Variants in FAT3 observed in about 807,000 individuals in gnomAD.
The protein encoded by FAT3 is protocadherin Fat 3.
Under a neutral mutation model 310.2 loss-of-function variants are expected in FAT3, and 95 were observed. That is an observed-to-expected ratio of 0.31 (90% CI 0.26 to 0.36). The LOEUF (loss-of-function observed/expected upper bound fraction) is 0.36. Ranked by LOEUF, FAT3 falls within the 10% of genes least tolerant of loss-of-function variation. FAT3 has a pLI of 1.00. For missense variants in FAT3, 5,408 were observed against 5,715.6 expected, an observed-to-expected ratio of 0.95 and a Z score of 1.74; for synonymous variants, 2,314 against 2,192.9, an observed-to-expected ratio of 1.06 and a Z score of -1.54.
chr11:92,406,999 G>T (rs1038965410), intron 2 of FAT3, among the ~76,000 whole-genome samples: 18 of 152,156 alleles, frequency 1.2e-4, no homozygotes, highest in African/African-American at 4.3e-4. Context: ...ATCTTAGAAG[G>T]GTTGACCCAT....
At chr11:92,449,383 C>G (rs2135113580) in intron 2 of FAT3, among the ~76,000 whole-genome samples, 1 of 152,266 alleles carries the variant, frequency 6.6e-6, no homozygotes, top group South Asian at 2.1e-4. Flanking sequence ...CAAGCAGCAT[C>G]TGAGCTCTGG....
At chr11:92,635,918 G>A (rs796430431) in intron 3 of FAT3, among the ~76,000 whole-genome samples, 29 of 152,216 alleles carry the variant, frequency 1.9e-4, no homozygotes, top group African/African-American at 7.0e-4. Context: ...AGAAATAGAT[G>A]TAAGCAGTTC....
At chr11:92,431,985 C>A (rs1289646348) in intron 2 of FAT3, among the ~76,000 whole-genome samples, 1 of 152,112 alleles carries the variant, frequency 6.6e-6, no homozygotes, top group Admixed American at 6.5e-5. Context: ...AATGCGGGCT[C>A]TTTTTTGGTT....
At chr11:92,885,913 G>A (rs1949784778) in intron 24 of FAT3, among the ~76,000 whole-genome samples, 1 of 152,146 alleles carries the variant, frequency 6.6e-6, no homozygotes, top group South Asian at 2.1e-4. Flanking sequence ...CAACTCCTGT[G>A]GCCTCAGCCT....
chr11:92,297,971 A>T (rs1946894584), intron 1 of FAT3, among the ~76,000 whole-genome samples: 1 of 152,126 alleles, frequency 6.6e-6, no homozygotes, highest in Admixed American at 6.6e-5. Context: ...ATAAACCAGC[A>T]TTGGCCTGTC....
chr11:92,392,609 T>C (rs1949775534), intron 2 of FAT3, among the ~76,000 whole-genome samples: 1 of 152,130 alleles, frequency 6.6e-6, no homozygotes, highest in South Asian at 2.1e-4. Flanking sequence ...ATGTAGCACA[T>C]TGCACACTGC....
intron 2 of FAT3, among the ~76,000 whole-genome samples, chr11:92,505,931 G>A (rs899918043): frequency 2.0e-5 from 3 of 152,004 alleles, no homozygotes; most frequent in Non-Finnish European, 4.4e-5. Flanking sequence ...CTGCCCTGGG[G>A]GATATTACAG....
intron 13 of FAT3, among the ~76,000 whole-genome samples, chr11:92,825,943 G>A (rs1948092117): frequency 6.6e-6 from 1 of 152,102 alleles, no homozygotes; most frequent in Non-Finnish European, 1.5e-5. Context: ...TGTGAGAGAG[G>A]AAGTTAGAAG....
chr11:92,239,003 G>A (rs1864553544), intron 1 of FAT3, among the ~76,000 whole-genome samples: 1 of 152,076 alleles, frequency 6.6e-6, no homozygotes, highest in African/African-American at 2.4e-5. Context: ...TAACATTGCT[G>A]AGAGCTTTAC....
rs1440088788 is a variant in FAT3, at chr11:92,229,510, T to TTTTC, written c.-18+4339_-18+4340insCTTT. 1.9e-3 allele frequency among the ~76,000 whole-genome samples: 147 copies of TTTTC among 77,140 alleles called. 15 individuals are homozygous for TTTTC. The highest frequency in any genetic ancestry group is 5.7e-3 in the African/African-American group (143 of 25,110). The allele number at this position is 77,140 out of a possible 152,430, so 50.6% of individuals were successfully genotyped here. ...TTTTCGTGTTTTTTTTTTTTTTGTT[T>TTTTC]TTTGTTTTTTTTTACATTGCCTCCC... is the stretch of plus-strand genomic sequence containing the variant. On this transcript the variant is annotated intron_variant, in intron 1 of 27. Coordinates refer to ENST00000525166, the MANE Select transcript of FAT3 (RefSeq NM_001367949.2).
At chr11:92,690,842 G>A (rs190868254) in intron 3 of FAT3, among the ~76,000 whole-genome samples, 1 of 152,202 alleles carries the variant, frequency 6.6e-6, no homozygotes, top group East Asian at 1.9e-4. Flanking sequence ...TGGAAATAGG[G>A]GTTCTAGAAG....
In FAT3 at chr11:92,550,229, G is replaced by A. The variant is rs539673654; in HGVS notation, c.3607+25281G>A. 1.2e-3 allele frequency among the ~76,000 whole-genome samples: 187 copies of A among 152,180 alleles called. No homozygotes were observed. In the South Asian group the frequency reaches 0.013, roughly 11 times the overall value. On this transcript the variant is annotated intron_variant, in intron 3 of 27. Coordinates refer to ENST00000525166, the MANE Select transcript of FAT3 (RefSeq NM_001367949.2). ...AGTTCCCCAAGCAAAATTTCCAAAA[G>A]GGGTCTTTTTTTCACATATATGAGC...
intron 3 of FAT3, among the ~76,000 whole-genome samples, chr11:92,612,583 A>T (rs1193449802): frequency 1.3e-5 from 2 of 152,230 alleles, no homozygotes; most frequent in Non-Finnish European, 2.9e-5. Flanking sequence ...GATTGAATAG[A>T]AGTAACACAA....
chr11:92,299,461 A>G (rs1946934478), intron 1 of FAT3, among the ~76,000 whole-genome samples: 2 of 152,138 alleles, frequency 1.3e-5, no homozygotes, highest in Non-Finnish European at 1.5e-5. Context: ...TCCAAAGGCC[A>G]TTAAGGCTGC....
intron 13 of FAT3, among the ~76,000 whole-genome samples, chr11:92,810,974 A>G (rs1019031001): frequency 6.6e-6 from 1 of 152,212 alleles, no homozygotes; most frequent in Non-Finnish European, 1.5e-5. Context: ...TTATTGGACT[A>G]ATGGAAAAGT....
chr11:92,634,050 C>T (rs1174955771), intron 3 of FAT3, among the ~76,000 whole-genome samples: 7 of 152,176 alleles, frequency 4.6e-5, no homozygotes, highest in Non-Finnish European at 2.9e-5. Flanking sequence ...AAGTGAGACA[C>T]CTCTGTCCAC....
rs936759691 is a variant in FAT3 at position 92,831,632 on chromosome 11, G to A, written c.9492G>A (p.Arg3164=). The A allele has an allele frequency of 6.2e-7, 1 of 1,611,444 alleles. No individual in the cohort carries two copies. The highest frequency in any genetic ancestry group is 8.5e-7 in the Non-Finnish European group (1 of 1,179,092). ...GTGTCTCTCCCACAGGCATCAATAG[G>A]AAGGTCGTGTACTCCCTGGCAGACT... is the stretch of plus-strand genomic sequence containing the variant. ...QAVDPDIGIN[R]KVVYSLADSA... The change falls in exon 14 of 28, where the codon AGG becomes AGA. Residue 3164 remains arginine (R), a synonymous_variant. Transcript: ENST00000525166.
rs508350 is a variant in FAT3 at position 92,653,312 on chromosome 11, C to T, written c.3608-44072C>T. 4.9e-3 allele frequency among the ~76,000 whole-genome samples: 748 copies of T among 152,250 alleles called. 3 individuals are homozygous for T. The highest frequency in any genetic ancestry group is 8.7e-3 in the Non-Finnish European group (589 of 68,020). The stretch of plus-strand genomic sequence containing the variant: ...CTATTTGAATGCCCGAGCCAGAATT[C>T]GTGGAACCTACTTCTGTGTCCTGGT... On this transcript the variant is annotated intron_variant, in intron 3 of 27. Transcript: ENST00000525166.
rs571195095 is a variant in FAT3, at chr11:92,709,353, A to G, written c.3669+11908A>G. On this transcript the variant is annotated intron_variant, in intron 4 of 27. Transcript: ENST00000525166. Reference sequence around the variant, plus strand: ...GAGATGTTCGATGGAGGTAGCCCACAGCATGGTTAATATTCAGCAGCAGAT... The same window carrying G: ...GAGATGTTCGATGGAGGTAGCCCACGGCATGGTTAATATTCAGCAGCAGAT... 5.3e-5 allele frequency among the ~76,000 whole-genome samples: 8 copies of G among 152,334 alleles called. No individual in the cohort carries two copies. The South Asian group carries it at 1.7e-3, about 32-fold the overall frequency.
Sources: allele counts gnomAD v4.1 joint callset (sites outside exome capture counted in the v4.1 genomes callset), GRCh38; gene constraint gnomAD v4.1.1; transcripts MANE v1.5; gene names NCBI Gene and HGNC (gene_info 2026-07-23, HGNC 2026-07-21).